Variants in LARGE1 observed in about 807,000 individuals in gnomAD.
LARGE1 encodes LARGE xylosyl- and glucuronyltransferase 1.
In LARGE1, 43 loss-of-function variants were observed where a neutral mutation model predicts 87.6. The observed-to-expected ratio is 0.49, with a 90% CI of 0.38 to 0.63. The LOEUF (loss-of-function observed/expected upper bound fraction) is 0.63, where lower values mean the gene tolerates loss of function less well. LARGE1 is among the 30% of genes least tolerant of loss of function. The pLI is 0.00. For missense variants in LARGE1, 802 were observed against 1,000.2 expected (o/e 0.80, Z 2.67); for synonymous variants, 434 against 394.6 (o/e 1.10, Z -1.18).
intron 7 of LARGE1, among the ~76,000 whole-genome samples, chr22:33,427,306 G>T (rs374254733): frequency 6.6e-6 from 1 of 152,332 alleles, no homozygotes; most frequent in South Asian, 2.1e-4. Context: ...GCTAGGATCT[G>T]CCTGGTTATC....
intron 2 of LARGE1, among the ~76,000 whole-genome samples, chr22:33,695,717 T>C (rs574723315): frequency 2.0e-5 from 3 of 152,358 alleles, no homozygotes; most frequent in South Asian, 4.1e-4. Context: ...GATTCAATAA[T>C]GTTTATGGGT....
intron 1 of LARGE1, among the ~76,000 whole-genome samples, chr22:33,830,209 T>A (rs971880166): frequency 6.6e-6 from 1 of 152,002 alleles, no homozygotes; most frequent in Non-Finnish European, 1.5e-5. Flanking sequence ...AGACACTCCA[T>A]CTGTAAAATT....
intron 12 of LARGE1, among the ~76,000 whole-genome samples, chr22:33,301,064 A>G (rs1338490921): frequency 7.9e-5 from 12 of 152,094 alleles, no homozygotes; most frequent in Non-Finnish European, 1.2e-4. Flanking sequence ...TGGGGGCTTC[A>G]TTGGAGTCCT....
At chr22:33,573,626 G>C (rs2078271231) in intron 5 of LARGE1, among the ~76,000 whole-genome samples, 1 of 152,186 alleles carries the variant, frequency 6.6e-6, no homozygotes, top group Non-Finnish European at 1.5e-5. Context: ...TTCTCAAGGA[G>C]TCCATGGTCT....
At chr22:33,792,486 C>G (rs992211039) in intron 1 of LARGE1, among the ~76,000 whole-genome samples, 2 of 152,112 alleles carry the variant, frequency 1.3e-5, no homozygotes, top group Admixed American at 1.3e-4. Context: ...ATAAACTGCA[C>G]AGTCTGGGGT....
chr22:33,089,365 T>TCTC, the LARGE1 span, among the ~76,000 whole-genome samples: 14 of 59,916 alleles, frequency 2.3e-4, no homozygotes, highest in East Asian at 0.012. Context: ...TTCTTCTTCT[T>TCTC]CTTCTCCTTC....
At chr22:33,873,956 C>T (rs553660928) in intron 1 of LARGE1, among the ~76,000 whole-genome samples, 3 of 151,870 alleles carry the variant, frequency 2.0e-5, no homozygotes, top group Non-Finnish European at 4.4e-5. Flanking sequence ...TCCTTCCACC[C>T]CACCCGGCTG....
At chr22:33,767,464 T>C (rs2084942368) in intron 1 of LARGE1, among the ~76,000 whole-genome samples, 1 of 148,550 alleles carries the variant, frequency 6.7e-6, no homozygotes, top group Admixed American at 6.8e-5. Flanking sequence ...CTTTAATATA[T>C]ATACATATAT....
intron 2 of LARGE1, among the ~76,000 whole-genome samples, chr22:33,688,718 C>T (rs1238625837): frequency 5.3e-5 from 8 of 152,146 alleles, no homozygotes; most frequent in African/African-American, 1.7e-4. Flanking sequence ...GCCGTATCAT[C>T]CTTTCTCTCC....
chr22:33,692,343 C>T (rs1472290756), intron 2 of LARGE1, among the ~76,000 whole-genome samples: 1 of 152,292 alleles, frequency 6.6e-6, no homozygotes, highest in South Asian at 2.1e-4. Flanking sequence ...TGAAGTTTTG[C>T]TCTGTCACCC....
intron 6 of LARGE1, among the ~76,000 whole-genome samples, chr22:33,550,396 A>T (rs953537219): frequency 2.6e-5 from 4 of 152,094 alleles, no homozygotes; most frequent in South Asian, 2.1e-4. Context: ...GCCTAGAGAT[A>T]TTTTTGCGTG....
the LARGE1 span, among the ~76,000 whole-genome samples, chr22:33,111,063 A>C: frequency 0.031 from 4,688 of 152,230 alleles, 256 homozygotes; most frequent in African/African-American, 0.11. Context: ...GATAAAAGAC[A>C]CTAAGCCTTT....
chr22:33,198,883 T>A (rs1216228655), intron 11 of LARGE1, among the ~76,000 whole-genome samples: 2 of 152,202 alleles, frequency 1.3e-5, no homozygotes, highest in Non-Finnish European at 2.9e-5. Context: ...GATTGCTGAA[T>A]TGAATGATAG....
At chr22:33,468,934 T>A (rs895037246) in intron 6 of LARGE1, among the ~76,000 whole-genome samples, 4 of 152,230 alleles carry the variant, frequency 2.6e-5, no homozygotes, top group Non-Finnish European at 4.4e-5. Flanking sequence ...CAGGTCAATC[T>A]TCCTGTAACA....
chr22:33,889,258 G>A (rs1308234494), intron 1 of LARGE1: 2 of 152,110 alleles, frequency 1.3e-5, no homozygotes, highest in East Asian at 3.9e-4. Context: ...CGTTTTAATT[G>A]TCAGGTTTGC....
chr22:33,567,591 G>A lies in LARGE1; in HGVS notation c.616-2572C>T, dbSNP rs1416024943. Among the ~76,000 whole-genome samples the A allele has an allele frequency of 2.0e-5, 3 of 152,082 alleles. No homozygotes were observed. The East Asian group carries it at 5.8e-4, about 29-fold the overall frequency. On this transcript the variant is annotated intron_variant, in intron 5 of 14. Coordinates refer to ENST00000397394, the MANE Select transcript of LARGE1 (RefSeq NM_133642.5). ...TTTCTGAGTTTCTGCTATTTATAAA[G>A]GTCATGATTTCTTTTTTAAAAAATT...
the LARGE1 span, among the ~76,000 whole-genome samples, chr22:33,076,717 T>C: frequency 1.3e-5 from 2 of 152,342 alleles, no homozygotes; most frequent in South Asian, 4.1e-4. Context: ...TTTATCCATA[T>C]GTCTATAAAC....
At chr22:33,904,394 T>TC (rs1217591820) in intron 1 of LARGE1, among the ~76,000 whole-genome samples, 1 of 152,052 alleles carries the variant, frequency 6.6e-6, no homozygotes. Flanking sequence ...GACCTCGTGG[T>TC]CCCCCCGCCT....
intron 1 of LARGE1, among the ~76,000 whole-genome samples, chr22:33,789,755 T>C (rs1345016419): frequency 1.3e-5 from 2 of 152,212 alleles, no homozygotes; most frequent in African/African-American, 4.8e-5. Context: ...ACAGGGCCTG[T>C]AGTTCCTTCA....
Sources: allele counts gnomAD v4.1 joint callset (sites outside exome capture counted in the v4.1 genomes callset), GRCh38; gene constraint gnomAD v4.1.1; transcripts MANE v1.5; gene names NCBI Gene and HGNC (gene_info 2026-07-23, HGNC 2026-07-21).